The following NKAIN2 variants were observed in gnomAD, a reference collection of about 807,000 sequenced individuals.
The protein encoded by NKAIN2 is sodium/potassium-transporting ATPase subunit beta-1-interacting protein 2.
NKAIN2 carries 14 observed loss-of-function variants against 32.6 expected under a neutral mutation model. The observed-to-expected ratio is 0.43, with a 90% CI of 0.28 to 0.67. The LOEUF (loss-of-function observed/expected upper bound fraction) is 0.67, where lower values mean the gene tolerates loss of function less well. Among genes scored for constraint, NKAIN2 ranks in the 30% least tolerant of loss-of-function variants. NKAIN2 has a pLI of 0.17. For missense variants in NKAIN2, 198 were observed against 258.3 expected, an observed-to-expected ratio of 0.77 and a Z score of 1.60; for synonymous variants, 80 against 87.2, an observed-to-expected ratio of 0.92 and a Z score of 0.46.
At chr6:124,182,859 C>T (rs1449380942) in intron 1 of NKAIN2, among the ~76,000 whole-genome samples, 1 of 152,074 alleles carries the variant, frequency 6.6e-6, no homozygotes, top group Non-Finnish European at 1.5e-5. Context: ...GGCAAACATA[C>T]AGATGAGAAG....
chr6:123,982,360 GA>G (rs1211682896), intron 1 of NKAIN2, among the ~76,000 whole-genome samples: 1 of 152,200 alleles, frequency 6.6e-6, no homozygotes, highest in African/African-American at 2.4e-5. Flanking sequence ...AAGTGTCAAA[GA>G]AGGATTTATT....
intron 3 of NKAIN2, among the ~76,000 whole-genome samples, chr6:124,406,722 T>A (rs890238072): frequency 2.6e-5 from 4 of 152,158 alleles, no homozygotes; most frequent in Non-Finnish European, 2.9e-5. Context: ...AATCAGATTT[T>A]CTCTGCATCA....
intron 1 of NKAIN2, among the ~76,000 whole-genome samples, chr6:123,828,321 C>T (rs1325089110): frequency 2.0e-5 from 3 of 152,130 alleles, no homozygotes; most frequent in Non-Finnish European, 2.9e-5. Flanking sequence ...TCGAGGACTG[C>T]TGTAAGATCT....
intron 4 of NKAIN2, among the ~76,000 whole-genome samples, chr6:124,759,102 T>C (rs1289652233): frequency 2.0e-5 from 3 of 152,184 alleles, no homozygotes; most frequent in Admixed American, 2.0e-4. Context: ...GGCATGCCCC[T>C]AGCATTAGCC....
At chr6:124,532,539 A>G (rs1296193847) in intron 3 of NKAIN2, among the ~76,000 whole-genome samples, 1 of 152,008 alleles carries the variant, frequency 6.6e-6, no homozygotes, top group South Asian at 2.1e-4. Flanking sequence ...GAGACCTTCA[A>G]CCTCTTTCCA....
At chr6:124,131,528 C>A (rs1284700188) in intron 1 of NKAIN2, among the ~76,000 whole-genome samples, 1 of 152,170 alleles carries the variant, frequency 6.6e-6, no homozygotes, top group Non-Finnish European at 1.5e-5. Context: ...ACTGCAAAAT[C>A]AGCGAGACAG....
intron 1 of NKAIN2, among the ~76,000 whole-genome samples, chr6:124,090,189 C>G (rs1582622965): frequency 6.6e-6 from 1 of 152,016 alleles, no homozygotes; most frequent in East Asian, 1.9e-4. Context: ...TTTTAGTAAT[C>G]CTGTTTTGAG....
chr6:124,427,464 A>C (rs1165730172), intron 3 of NKAIN2, among the ~76,000 whole-genome samples: 1 of 152,214 alleles, frequency 6.6e-6, no homozygotes, highest in Non-Finnish European at 1.5e-5. Context: ...TTTAAATATA[A>C]GAAATATTAT....
chr6:123,826,294 T>A (rs1260957577), intron 1 of NKAIN2, among the ~76,000 whole-genome samples: 2 of 152,212 alleles, frequency 1.3e-5, no homozygotes, highest in African/African-American at 4.8e-5. Context: ...TTTTTAGTTC[T>A]ATTTTTTATG....
chr6:124,642,471 G>T lies in NKAIN2; in HGVS notation c.274-15715G>T, dbSNP rs181263984. On this transcript the variant is annotated intron_variant, in intron 3 of 6. Coordinates refer to ENST00000368417, the MANE Select transcript of NKAIN2 (RefSeq NM_001040214.3). ...AGCCATGACTAATAACAATTTTAAA[G>T]AATTTTTCAGGGTTTTCTATGAGTG... 3.1e-4 allele frequency among the ~76,000 whole-genome samples: 47 copies of T among 152,220 alleles called. 1 individual carries two copies. Among genetic ancestry groups the T allele is most frequent in the Admixed American group, 2.7e-3 (42 of 15,278 alleles).
intron 4 of NKAIN2, among the ~76,000 whole-genome samples, chr6:124,735,348 A>G (rs891019938): frequency 2.0e-5 from 3 of 151,922 alleles, no homozygotes; most frequent in African/African-American, 7.2e-5. Flanking sequence ...AATCATAATC[A>G]CTCATCAATA....
intron 3 of NKAIN2, among the ~76,000 whole-genome samples, chr6:124,407,718 A>G (rs1015487167): frequency 1.2e-4 from 18 of 151,884 alleles, no homozygotes; most frequent in African/African-American, 3.9e-4. Flanking sequence ...CCCAGTAATG[A>G]GATGGCTGGG....
At chr6:123,972,583 G>T (rs1259501287) in intron 1 of NKAIN2, among the ~76,000 whole-genome samples, 1 of 152,112 alleles carries the variant, frequency 6.6e-6, no homozygotes, top group Non-Finnish European at 1.5e-5. Context: ...AGCGTCTTTG[G>T]ATATTGTGTA....
intron 1 of NKAIN2, among the ~76,000 whole-genome samples, chr6:123,962,521 C>A (rs1001785219): frequency 6.6e-6 from 1 of 152,112 alleles, no homozygotes; most frequent in Non-Finnish European, 1.5e-5. Context: ...TTGTGCATAA[C>A]GTTGAGGAAT....
chr6:124,440,572 TG>T (rs1583256615), intron 3 of NKAIN2, among the ~76,000 whole-genome samples: 1 of 152,026 alleles, frequency 6.6e-6, no homozygotes, highest in East Asian at 1.9e-4. Context: ...ATTGGGCAAG[TG>T]AGTACCAAGA....
intron 1 of NKAIN2, among the ~76,000 whole-genome samples, chr6:124,072,791 C>A (rs574140687): frequency 1.3e-5 from 2 of 152,226 alleles, no homozygotes; most frequent in South Asian, 2.1e-4. Context: ...TCTTCTTTGA[C>A]CTGTGTACCC....
At chr6:123,884,976 T>G (rs1773646094) in intron 1 of NKAIN2, among the ~76,000 whole-genome samples, 1 of 152,158 alleles carries the variant, frequency 6.6e-6, no homozygotes, top group Middle Eastern at 3.2e-3. Context: ...GAGTTCTCAT[T>G]ATCTCAGGTG....
intron 1 of NKAIN2, among the ~76,000 whole-genome samples, chr6:123,846,599 T>C (rs958936957): frequency 1.3e-5 from 2 of 152,140 alleles, no homozygotes; most frequent in Admixed American, 6.5e-5. Context: ...GAAGAAAAAA[T>C]GATTTTTATA....
chr6:124,527,757 T>G (rs1477713370), intron 3 of NKAIN2, among the ~76,000 whole-genome samples: 1 of 152,030 alleles, frequency 6.6e-6, no homozygotes, highest in Non-Finnish European at 1.5e-5. Flanking sequence ...CTGGTCTGAG[T>G]CAGTGGAAAT....
Sources: gnomAD v4.1 joint callset for allele counts (sites outside exome capture counted in the v4.1 genomes callset) on GRCh38, gnomAD v4.1.1 for gene constraint, MANE v1.5 for transcripts, NCBI Gene and HGNC (gene_info 2026-07-23, HGNC 2026-07-21) for gene names.